KMO: variants seen among roughly 807,000 people sequenced by gnomAD.
The protein encoded by KMO is kynurenine 3-hydroxylase.
In KMO, 24 loss-of-function variants were observed where a neutral mutation model predicts 57.8. That is an observed-to-expected ratio of 0.42 (90% CI 0.30 to 0.58). The LOEUF is 0.58. KMO is among the 20% of genes least tolerant of loss of function. KMO has a pLI of 0.22. For synonymous variants in KMO, 210 were observed against 193.6 expected (o/e 1.08, Z -0.70); for missense variants, 483 against 588.2 (o/e 0.82, Z 1.85).
At position 241,562,188 on chromosome 1, in the gene KMO, T is replaced by C. The variant is rs1291227854; in HGVS notation, c.471T>C (p.Asp157=). The C allele has an allele frequency of 6.2e-7, 1 of 1,614,026 alleles. No individual in the cohort carries two copies. The highest frequency in any genetic ancestry group is 2.2e-5 in the East Asian group (1 of 44,874). Reference sequence around the variant, plus strand: ...TCAGATCTGACAAAGTTCCCAAAGATGTCACTTGTGACCTCATTGTAGGAT... The same window carrying C: ...TCAGATCTGACAAAGTTCCCAAAGACGTCACTTGTGACCTCATTGTAGGAT... ...TVLGSDKVPK[D]VTCDLIVGCD... is the part of the protein sequence containing the mutation. Residue 157 remains aspartate, a synonymous_variant, in exon 7 of 15, where the codon GAT becomes GAC. Transcript: ENST00000366559.
rs929307227 is a variant in KMO at position 241,592,965 on chromosome 1, G to A, written c.*812G>A. The A allele has an allele frequency of 5.1e-5, 8 of 156,796 alleles. No individual in the cohort carries two copies. Among genetic ancestry groups the A allele is most frequent in the African/African-American group, 1.4e-4 (6 of 41,430 alleles). 9.7% of individuals were successfully genotyped at this position (156,796 alleles called of 1,614,324 possible). A position where few individuals can be genotyped will look rare whatever the true frequency, so the allele number is the denominator to read the frequency against. The stretch of plus-strand genomic sequence containing the variant: ...ACCATGGTATTTTTCAGTAGAGACC[G>A]GGTCTTGCCATGCTGCCCAGGCCAG... On this transcript the variant is annotated 3_prime_UTR_variant, in exon 15 of 15. Coordinates refer to ENST00000366559, the MANE Select transcript of KMO (RefSeq NM_003679.5).
At chr1:241,556,771 C>T (rs1661641836) in intron 5 of KMO, among the ~76,000 whole-genome samples, 1 of 152,064 alleles carries the variant, frequency 6.6e-6, no homozygotes, top group Non-Finnish European at 1.5e-5. Context: ...TGCCGGTAAT[C>T]CCAGCTACTC....
At chr1:241,588,232 A>G (rs1256630251) in intron 11 of KMO, among the ~76,000 whole-genome samples, 1 of 151,268 alleles carries the variant, frequency 6.6e-6, no homozygotes, top group Non-Finnish European at 1.5e-5. Flanking sequence ...AGTTCATAGT[A>G]TATGTTTGCT....
chr1:241,555,926 G>T, intron 5 of KMO: 1 of 279,686 alleles, frequency 3.6e-6, no homozygotes, highest in Non-Finnish European at 6.7e-6. Flanking sequence ...TCACTACAAA[G>T]AATAAAAAAT....
At chr1:241,587,340 C>T (rs1203309328) in intron 11 of KMO, among the ~76,000 whole-genome samples, 1 of 152,204 alleles carries the variant, frequency 6.6e-6, no homozygotes, top group African/African-American at 2.4e-5. Context: ...CCACTCACAT[C>T]CTGCTGTGCG....
intron 7 of KMO, among the ~76,000 whole-genome samples, chr1:241,562,882 G>A (rs371688248): frequency 1.0e-4 from 7 of 67,584 alleles, no homozygotes; most frequent in Non-Finnish European, 2.0e-4. Context: ...AAGGAAGGAA[G>A]GAAGGAAGGA....
chr1:241,562,872 AAGGAAGG>A (rs1661909164), intron 7 of KMO, among the ~76,000 whole-genome samples: 1 of 35,984 alleles, frequency 2.8e-5, no homozygotes, highest in Non-Finnish European at 8.0e-5. Context: ...AGAAGGAAGG[AAGGAAGG>A]AAGGAAGGAA....
intron 14 of KMO, among the ~76,000 whole-genome samples, chr1:241,591,093 G>A (rs1406413395): frequency 6.6e-6 from 1 of 152,116 alleles, no homozygotes; most frequent in African/African-American, 2.4e-5. Context: ...GAATGGATTG[G>A]AAGAAATCAA....
At chr1:241,587,357 T>G (rs1663042049) in intron 11 of KMO, among the ~76,000 whole-genome samples, 1 of 152,178 alleles carries the variant, frequency 6.6e-6, no homozygotes, top group East Asian at 1.9e-4. Context: ...TGCGGCCCAG[T>G]TCCTAACAGG....
Position 241,532,422 on chromosome 1 carries a change from T to C in KMO, c.-23T>C. On this transcript the variant is annotated 5_prime_UTR_variant, in exon 1 of 15. Transcript: ENST00000366559. ...CACTCAGTGACAGAAGCAACAATAATTGTGAAAAATACTTCAGCAGTTATG... is the reference window on the plus strand; with the variant it reads ...CACTCAGTGACAGAAGCAACAATAACTGTGAAAAATACTTCAGCAGTTATG... The C allele has an allele frequency of 6.2e-7, 1 of 1,612,190 alleles. No individual in the cohort carries two copies. The highest frequency in any genetic ancestry group is 8.5e-7 in the Non-Finnish European group (1 of 1,179,180).
chr1:241,555,795 G>C (rs1471945131), intron 5 of KMO, 135 bp downstream of exon 5: 5 of 515,294 alleles, frequency 9.7e-6, no homozygotes, highest in Non-Finnish European at 1.7e-5. Context: ...ACACTACAAA[G>C]TCCTTCTTGA....
intron 5 of KMO, among the ~76,000 whole-genome samples, chr1:241,557,309 T>C (rs894112053): frequency 1.2e-4 from 18 of 152,216 alleles, no homozygotes; most frequent in African/African-American, 3.4e-4. Flanking sequence ...GCATTTGCAT[T>C]CAACGGATTT....
intron 4 of KMO, among the ~76,000 whole-genome samples, chr1:241,555,005 G>A (rs1200125491): frequency 6.6e-6 from 1 of 151,714 alleles, no homozygotes. Flanking sequence ...AGTATTGTAC[G>A]CCCATAGGCG....
intron 1 of KMO, among the ~76,000 whole-genome samples, chr1:241,533,443 C>T (rs1313356548): frequency 6.6e-6 from 1 of 152,200 alleles, no homozygotes; most frequent in African/African-American, 2.4e-5. Flanking sequence ...TTTGTTCTGC[C>T]TTCCTTAGTG....
chr1:241,588,340 T>C lies in KMO; in HGVS notation c.1016-408T>C, dbSNP rs962947358. On this transcript the variant is annotated intron_variant, in intron 11 of 14. Transcript: ENST00000366559. ...CTCATCTTTTTTTTCTTTTTTTTTT[T>C]TTTTTTTTTTTTTGGTTATTTCCCA... Among the ~76,000 whole-genome samples, 28 of 142,240 alleles carry C rather than the reference T, an allele frequency of 2.0e-4. 1 individual carries two copies. Among genetic ancestry groups the C allele is most frequent in the Admixed American group, 1.7e-3 (25 of 14,288 alleles). 93.3% of individuals were successfully genotyped at this position (142,240 alleles called of 152,430 possible).
At chr1:241,574,987 T>C (rs1662451349) in intron 10 of KMO, among the ~76,000 whole-genome samples, 1 of 152,078 alleles carries the variant, frequency 6.6e-6, no homozygotes, top group African/African-American at 2.4e-5. Context: ...CTTCCTTATT[T>C]AATCTAGAAG....
At chr1:241,551,586 A>G (rs567592950) in intron 4 of KMO, among the ~76,000 whole-genome samples, 5 of 152,294 alleles carry the variant, frequency 3.3e-5, no homozygotes, top group African/African-American at 1.2e-4. Flanking sequence ...TGCTTTCCCT[A>G]TCTTTCACAC....
chr1:241,577,180 C>T (rs1226658484), intron 10 of KMO, among the ~76,000 whole-genome samples: 1 of 151,982 alleles, frequency 6.6e-6, no homozygotes, highest in Non-Finnish European at 1.5e-5. Context: ...TTTCACCTTT[C>T]TCTGGCATGT....
intron 9 of KMO, among the ~76,000 whole-genome samples, chr1:241,567,451 C>G (rs1188134032): frequency 3.3e-5 from 5 of 152,144 alleles, no homozygotes; most frequent in Non-Finnish European, 2.9e-5. Flanking sequence ...GGGGTCCACT[C>G]CCAAGACCTA....
Sources: gnomAD v4.1 joint callset for allele counts (sites outside exome capture counted in the v4.1 genomes callset) on GRCh38, gnomAD v4.1.1 for gene constraint, MANE v1.5 for transcripts, NCBI Gene and HGNC (gene_info 2026-07-23, HGNC 2026-07-21) for gene names.